The following IMMP2L variants were observed in gnomAD, a reference collection of about 807,000 sequenced individuals.
The protein encoded by IMMP2L is mitochondrial inner membrane protease subunit 2.
Under a neutral mutation model 19.3 loss-of-function variants are expected in IMMP2L, and 18 were observed. That is an observed-to-expected ratio of 0.93 (90% CI 0.64 to 1.38). The LOEUF (loss-of-function observed/expected upper bound fraction) is 1.38, where lower values mean the gene tolerates loss of function less well. Ranked by LOEUF, IMMP2L falls within the 40% of genes most tolerant of loss-of-function variation. The pLI is 0.00. For synonymous variants in IMMP2L, 76 were observed against 73.0 expected (o/e 1.04, Z -0.21); for missense variants, 233 against 218.2 (o/e 1.07, Z -0.43).
chr7:110,815,063 T>A (rs1454964470), intron 5 of IMMP2L, among the ~76,000 whole-genome samples: 1 of 152,042 alleles, frequency 6.6e-6, no homozygotes, highest in African/African-American at 2.4e-5. Flanking sequence ...AATAAGTTCT[T>A]CCAGTTTTTG....
At chr7:110,665,949 A>T (rs2130257961) in intron 5 of IMMP2L, among the ~76,000 whole-genome samples, 1 of 152,244 alleles carries the variant, frequency 6.6e-6, no homozygotes, top group South Asian at 2.1e-4. Flanking sequence ...TTCCAAATCT[A>T]TTCCTTCTTT....
chr7:110,903,590 T>G (rs1161993222), intron 4 of IMMP2L, among the ~76,000 whole-genome samples: 1 of 152,214 alleles, frequency 6.6e-6, no homozygotes, highest in African/African-American at 2.4e-5. Flanking sequence ...ATTGCAGGAT[T>G]TCCTTCTTTT....
chr7:110,724,997 G>A (rs1276925816), intron 5 of IMMP2L, among the ~76,000 whole-genome samples: 1 of 152,174 alleles, frequency 6.6e-6, no homozygotes, highest in Non-Finnish European at 1.5e-5. Context: ...TGAGACTGAG[G>A]GAGTATAGAA....
intron 5 of IMMP2L, among the ~76,000 whole-genome samples, chr7:110,853,500 C>T (rs767189976): frequency 3.3e-5 from 5 of 151,996 alleles, no homozygotes; most frequent in Non-Finnish European, 5.9e-5. Context: ...TGGTTTCAGA[C>T]AGTACAGGCT....
intron 4 of IMMP2L, among the ~76,000 whole-genome samples, chr7:110,906,498 T>C (rs982942028): frequency 1.3e-5 from 2 of 152,152 alleles, no homozygotes; most frequent in African/African-American, 4.8e-5. Flanking sequence ...CCCTAGTGAA[T>C]ACGAGGTTGG....
chr7:111,108,903 GAAC>G (rs1364767155), intron 3 of IMMP2L, among the ~76,000 whole-genome samples: 1 of 152,068 alleles, frequency 6.6e-6, no homozygotes, highest in Non-Finnish European at 1.5e-5. Flanking sequence ...GATATTTATT[GAAC>G]AACAATAGCA....
intron 3 of IMMP2L, among the ~76,000 whole-genome samples, chr7:111,405,650 G>C (rs1833842299): frequency 6.6e-6 from 1 of 152,014 alleles, no homozygotes; most frequent in African/African-American, 2.4e-5. Context: ...CACATTCTCT[G>C]AGTTTCCCTC....
At chr7:111,175,387 C>T (rs747896090) in intron 3 of IMMP2L, among the ~76,000 whole-genome samples, 3 of 151,738 alleles carry the variant, frequency 2.0e-5, no homozygotes, top group Non-Finnish European at 2.9e-5. Flanking sequence ...AATATGTACA[C>T]TTTTTAGTAA....
chr7:111,337,838 T>C (rs117441898), intron 3 of IMMP2L, among the ~76,000 whole-genome samples: 15 of 152,206 alleles, frequency 9.9e-5, no homozygotes, highest in Non-Finnish European at 1.9e-4. Context: ...TTTTCCTTCT[T>C]TTCCATCAAC....
At chr7:111,382,937 T>C (rs1354521852) in intron 3 of IMMP2L, among the ~76,000 whole-genome samples, 1 of 152,082 alleles carries the variant, frequency 6.6e-6, no homozygotes, top group East Asian at 1.9e-4. Flanking sequence ...TTAATATTTA[T>C]AGCAAATATT....
At chr7:111,353,203 C>T (rs1828361008) in intron 3 of IMMP2L, among the ~76,000 whole-genome samples, 1 of 152,170 alleles carries the variant, frequency 6.6e-6, no homozygotes, top group Admixed American at 6.5e-5. Flanking sequence ...CCCTGGCTTT[C>T]ACCTGGAGAG....
intron 3 of IMMP2L, among the ~76,000 whole-genome samples, chr7:111,219,674 G>C (rs1032103189): frequency 6.6e-6 from 1 of 151,940 alleles, no homozygotes; most frequent in Non-Finnish European, 1.5e-5. Context: ...TTAGCTGTCA[G>C]TATTCTATGA....
At chr7:111,465,488 G>C (rs1163876473) in intron 3 of IMMP2L, among the ~76,000 whole-genome samples, 2 of 114,992 alleles carry the variant, frequency 1.7e-5, no homozygotes, top group African/African-American at 7.0e-5. Context: ...TAGTGTTTGA[G>C]ACCAGGTGTC....
chr7:111,383,631 C>A (rs957023338), intron 3 of IMMP2L, among the ~76,000 whole-genome samples: 1 of 152,084 alleles, frequency 6.6e-6, no homozygotes, highest in Non-Finnish European at 1.5e-5. Flanking sequence ...GGCTTCTATA[C>A]ATTTTTATAA....
chr7:111,321,296 T>C (rs570459460), intron 3 of IMMP2L, among the ~76,000 whole-genome samples: 1 of 152,076 alleles, frequency 6.6e-6, no homozygotes, highest in East Asian at 1.9e-4. Context: ...ATTACAACTC[T>C]ATTAAAATAA....
intron 3 of IMMP2L, among the ~76,000 whole-genome samples, chr7:111,109,494 G>A (rs558932202): frequency 3.2e-4 from 48 of 152,102 alleles, no homozygotes; most frequent in African/African-American, 1.1e-3. Context: ...CTAGTAAGGG[G>A]GCAATCAAGT....
Position 111,368,483 on chromosome 7 carries a change from G to C in IMMP2L, c.239+118755C>G, listed in dbSNP as rs144662696. On this transcript the variant is annotated intron_variant, in intron 3 of 5. Coordinates refer to ENST00000405709, the MANE Select transcript of IMMP2L (RefSeq NM_032549.4). ...TGCACATACCAAAGACGTGGTTAGAGTTTATTTACGCCAGCAACACAGCCT... is the reference window on the plus strand; with the variant it reads ...TGCACATACCAAAGACGTGGTTAGACTTTATTTACGCCAGCAACACAGCCT... Among the ~76,000 whole-genome samples, 13 of 152,028 alleles carry C rather than the reference G, an allele frequency of 8.6e-5. No homozygotes were observed. In the East Asian group the frequency reaches 2.1e-3, roughly 25 times the overall value.
chr7:111,510,111 C>T (rs1447052406), intron 2 of IMMP2L, among the ~76,000 whole-genome samples: 2 of 152,068 alleles, frequency 1.3e-5, no homozygotes, highest in Non-Finnish European at 2.9e-5. Context: ...AAGAAAGTTA[C>T]ATGAAGAAAA....
intron 3 of IMMP2L, among the ~76,000 whole-genome samples, chr7:111,059,043 C>T (rs1056058146): frequency 4.6e-5 from 7 of 151,944 alleles, no homozygotes; most frequent in South Asian, 2.1e-4. Context: ...AGTGCAGTGG[C>T]GCAATCTCGG....
Sources: allele counts gnomAD v4.1 joint callset (sites outside exome capture counted in the v4.1 genomes callset), GRCh38; gene constraint gnomAD v4.1.1; transcripts MANE v1.5; gene names NCBI Gene and HGNC (gene_info 2026-07-23, HGNC 2026-07-21).